The following ARHGEF16 variants were observed in gnomAD, a reference collection of about 807,000 sequenced individuals.
ARHGEF16 encodes Rho guanine exchange factor (GEF) 16.
In ARHGEF16, 59 loss-of-function variants were observed where a neutral mutation model predicts 74.1. The ratio of observed to expected loss-of-function variants is 0.80; its 90% CI spans 0.65 to 0.99. ARHGEF16 has a LOEUF of 0.99. Ranked by LOEUF, ARHGEF16 falls within the 50% of genes least tolerant of loss-of-function variation. The probability of loss-of-function intolerance (pLI) is 0.00; values close to 1 mark genes in which losing one functional copy is unlikely to be tolerated. For synonymous variants in ARHGEF16, 415 were observed against 412.6 expected, an observed-to-expected ratio of 1.01 and a Z score of -0.07; for missense variants, 948 against 986.6, an observed-to-expected ratio of 0.96 and a Z score of 0.52.
intron 6 of ARHGEF16, 198 bp from the exon 7 acceptor site, chr1:3,472,880 C>A: frequency 2.2e-5 from 5 of 230,806 alleles, no homozygotes; most frequent in South Asian, 4.7e-5. Context: ...CCACTTCCCA[C>A]CCGCCCTCCC....
chr1:3,462,962 G>A lies in ARHGEF16; in HGVS notation c.-19-104G>A. The stretch of plus-strand genomic sequence containing the variant: ...CCTTGCCTGCTGTGTCCTGGGAGCT[G>A]TACTGGAGCCCCGGCCAGACATATG... On this transcript the variant is annotated intron_variant, in intron 1 of 14. Coordinates refer to ENST00000378378, the MANE Select transcript of ARHGEF16 (RefSeq NM_014448.4). 6.3e-6 allele frequency: 5 copies of A among 790,578 alleles called. No individual in the cohort carries two copies. The South Asian group carries it at 9.1e-5, about 14-fold the overall frequency. 49.0% of individuals were successfully genotyped at this position (790,578 alleles called of 1,614,324 possible). A position where few individuals can be genotyped will look rare whatever the true frequency, so the allele number is the denominator to read the frequency against.
intron 4 of ARHGEF16, chr1:3,468,400 C>T (rs778632389): frequency 2.6e-4 from 50 of 189,258 alleles, no homozygotes; most frequent in Non-Finnish European, 4.5e-4. Flanking sequence ...CCCGCCAAGG[C>T]GACCCGCCAG....
At chr1:3,464,712 C>G (rs969031099) in intron 2 of ARHGEF16, among the ~76,000 whole-genome samples, 16 of 152,210 alleles carry the variant, frequency 1.1e-4, no homozygotes, top group African/African-American at 3.9e-4. Flanking sequence ...AGTTCCTGAA[C>G]CTTCCTGAGC....
At chr1:3,472,312 C>G (rs1639748083) in intron 6 of ARHGEF16, among the ~76,000 whole-genome samples, 1 of 152,258 alleles carries the variant, frequency 6.6e-6, no homozygotes, top group African/African-American at 2.4e-5. Flanking sequence ...AGAATCCTGG[C>G]AGCCCTGGCC....
chr1:3,474,568 G>T, intron 8 of ARHGEF16, 140 bp from the exon 9 acceptor site: 1 of 727,910 alleles, frequency 1.4e-6, no homozygotes, highest in Non-Finnish European at 2.4e-6. Flanking sequence ...GGGGCTGTAC[G>T]TGCTGTGGGG....
rs978677086 is a variant in ARHGEF16 at position 3,466,203 on chromosome 1, G to T, written c.634+10G>T. On this transcript the variant is annotated intron_variant, in intron 3 of 14. Transcript: ENST00000378378. Reference sequence around the variant, plus strand: ...GGTTCCTTCAAGGACGGTGAGTGTGGCTTCGGGAGGCACCGCGGGCTGGGC... The same window carrying T: ...GGTTCCTTCAAGGACGGTGAGTGTGTCTTCGGGAGGCACCGCGGGCTGGGC... 7.2e-6 allele frequency: 11 copies of T among 1,537,410 alleles called. No individual in the cohort carries two copies. Among genetic ancestry groups the T allele is most frequent in the African/African-American group, 1.4e-5 (1 of 72,202 alleles).
At chr1:3,462,688 C>T (rs1639428368) in intron 1 of ARHGEF16, among the ~76,000 whole-genome samples, 1 of 152,214 alleles carries the variant, frequency 6.6e-6, no homozygotes, top group Non-Finnish European at 1.5e-5. Flanking sequence ...CTGAGCTGCC[C>T]CACCTGCCTC....
intron 5 of ARHGEF16, among the ~76,000 whole-genome samples, chr1:3,469,189 C>T (rs1220581626): frequency 3.9e-5 from 6 of 152,210 alleles, no homozygotes; most frequent in Non-Finnish European, 5.9e-5. Context: ...CCTTCTCTGA[C>T]AAGGACGGGG....
In ARHGEF16 at chr1:3,464,263, G is replaced by A. The variant is rs374558393; in HGVS notation, c.588+591G>A. 2.6e-5 allele frequency among the ~76,000 whole-genome samples: 4 copies of A among 152,212 alleles called. No individual in the cohort carries two copies. The East Asian group carries it at 5.8e-4, about 22-fold the overall frequency. On this transcript the variant is annotated intron_variant, in intron 2 of 14. Transcript: ENST00000378378. ...TAGCCTGACTGCATGTGTCACTAGG[G>A]CCCAGGGGACAGAGCGTCCAGCTGG... is the stretch of plus-strand genomic sequence containing the variant.
chr1:3,480,436 A>G lies in ARHGEF16; in HGVS notation c.1991-12A>G, dbSNP rs756484282. 5.0e-6 allele frequency: 8 copies of G among 1,612,042 alleles called. No homozygotes were observed. The Admixed American group carries it at 5.0e-5, about 10-fold the overall frequency. On this transcript the variant is annotated splice_polypyrimidine_tract_variant and intron_variant, in intron 14 of 14. Transcript: ENST00000378378. Reference sequence around the variant, plus strand: ...TTCCCCTCACCTCCCTCCCACCCCTATCCGGGTTCAGGGTGGCTCTATGGC... The same window carrying G: ...TTCCCCTCACCTCCCTCCCACCCCTGTCCGGGTTCAGGGTGGCTCTATGGC...
intron 10 of ARHGEF16, 60 bp downstream of exon 10, chr1:3,476,122 G>C: frequency 6.6e-7 from 1 of 1,506,458 alleles, no homozygotes. Flanking sequence ...CTCCCTGCTG[G>C]CCTGCGTGTG....
chr1:3,469,916 T>C (rs1024862302), intron 6 of ARHGEF16, among the ~76,000 whole-genome samples: 1 of 152,208 alleles, frequency 6.6e-6, no homozygotes, highest in African/African-American at 2.4e-5. Context: ...GAGGGCTGCA[T>C]GATCCAGGCA....
intron 1 of ARHGEF16, among the ~76,000 whole-genome samples, chr1:3,461,691 AC>A (rs1639399313): frequency 1.3e-5 from 2 of 152,200 alleles, no homozygotes; most frequent in Admixed American, 1.3e-4. Context: ...ATGTGTAGCC[AC>A]AACAGCCCCG....
chr1:3,471,847 T>C, intron 6 of ARHGEF16: 1 of 1,039,238 alleles, frequency 9.6e-7, no homozygotes, highest in Non-Finnish European at 1.2e-6. Context: ...CAGTCACCCA[T>C]ATGAGCTGCT....
intron 4 of ARHGEF16, chr1:3,468,588 C>T: frequency 4.5e-6 from 2 of 448,342 alleles, no homozygotes; most frequent in Non-Finnish European, 8.3e-6. Flanking sequence ...GGACAAGATC[C>T]CCCCCCGCCC....
At chr1:3,461,059 C>T (rs771609617) in intron 1 of ARHGEF16, among the ~76,000 whole-genome samples, 71 of 152,160 alleles carry the variant, frequency 4.7e-4, no homozygotes, top group Non-Finnish European at 9.6e-4. Context: ...GTGACTCAGC[C>T]TTGTTTTCCC....
At position 3,480,554 on chromosome 1, in the gene ARHGEF16, G is replaced by A. The variant is rs1169205737; in HGVS notation, c.2097G>A (p.Arg699=). Residue 699 remains arginine, a synonymous_variant, in exon 15 of 15, where the codon AGG becomes AGA. Coordinates refer to ENST00000378378, the MANE Select transcript of ARHGEF16 (RefSeq NM_014448.4). ...SRVAVEGNVR[R]MERLRVETDV ...TGGCCGTGGAGGGCAATGTCCGCAG[G>A]ATGGAGCGTCTGCGGGTGGAGACGG... is the stretch of plus-strand genomic sequence containing the variant. 2.5e-6 allele frequency: 4 copies of A among 1,610,602 alleles called. No individual in the cohort carries two copies. Among genetic ancestry groups the A allele is most frequent in the East Asian group, 2.2e-5 (1 of 44,894 alleles).
intron 1 of ARHGEF16, among the ~76,000 whole-genome samples, chr1:3,457,238 A>G (rs1013680472): frequency 5.3e-5 from 8 of 152,214 alleles, no homozygotes; most frequent in South Asian, 2.1e-4. Context: ...ACCGGAGTAC[A>G]AGGGCATCAT....
In ARHGEF16 at chr1:3,459,669, A is replaced by G. The variant is rs375277264; in HGVS notation, c.-19-3397A>G. 3.0e-4 allele frequency among the ~76,000 whole-genome samples: 45 copies of G among 152,260 alleles called. 1 individual carries two copies. In the South Asian group the frequency reaches 8.5e-3, roughly 29 times the overall value. On this transcript the variant is annotated intron_variant, in intron 1 of 14. Coordinates refer to ENST00000378378, the MANE Select transcript of ARHGEF16 (RefSeq NM_014448.4). ...AGCTGGCCTGCCAGACATATAGAAT[A>G]TATTCTCAAGAAGCACATGGCAGAG...
Sources: allele counts gnomAD v4.1 joint callset (sites outside exome capture counted in the v4.1 genomes callset), GRCh38; gene constraint gnomAD v4.1.1; transcripts MANE v1.5; gene names NCBI Gene and HGNC (gene_info 2026-07-23, HGNC 2026-07-21).